TUBB8: variants seen among roughly 807,000 people sequenced by gnomAD.
The protein encoded by TUBB8 is tubulin beta 8 class VIII, also known as tubulin beta-8 chain.
Under a neutral mutation model 33.7 loss-of-function variants are expected in TUBB8, and 25 were observed. That is an observed-to-expected ratio of 0.74 (90% CI 0.54 to 1.04). TUBB8 has a LOEUF of 1.04. Among genes scored for constraint, TUBB8 ranks in the 50% least tolerant of loss-of-function variants. The pLI is 0.00. For synonymous variants in TUBB8, 245 were observed against 240.1 expected (o/e 1.02, Z -0.19); for missense variants, 279 against 608.0 (o/e 0.46, Z 5.69).
At chr10:50,591 T>TG (rs1446798723), upstream of TUBB8, among the ~76,000 whole-genome samples, 3 of 152,218 alleles carry the variant, frequency 2.0e-5, no homozygotes, top group Non-Finnish European at 2.9e-5. Context: ...AGCAGCACTC[T>TG]AACAAGCTCA....
upstream of TUBB8, chr10:49,303 G>C (rs1376935017): frequency 2.4e-5 from 36 of 1,515,938 alleles, no homozygotes; most frequent in Non-Finnish European, 3.0e-5. Flanking sequence ...CAGCGACCCA[G>C]CCCGCCCTCC....
intron 1 of TUBB8, among the ~76,000 whole-genome samples, chr10:58,137 C>T (rs1177915572): frequency 6.6e-6 from 1 of 152,240 alleles, no homozygotes; most frequent in Non-Finnish European, 1.5e-5. Context: ...ATTCAGCCAA[C>T]CACTTTGCTA....
chr10:62,186 C>A (rs1554740971), intron 1 of TUBB8, among the ~76,000 whole-genome samples: 3 of 152,152 alleles, frequency 2.0e-5, no homozygotes, highest in African/African-American at 7.2e-5. Flanking sequence ...TTCTTCCTGT[C>A]TTCCTTTTAG....
chr10:71,219 G>C (rs1260600107), intron 1 of TUBB8, among the ~76,000 whole-genome samples: 3 of 152,128 alleles, frequency 2.0e-5, no homozygotes, highest in African/African-American at 7.2e-5. Flanking sequence ...GGAGGCTGAG[G>C]CAGGAGAATC....
chr10:50,392 C>T (rs141633513), upstream of TUBB8, among the ~76,000 whole-genome samples: 3,832 of 152,274 alleles, frequency 0.025, 75 homozygotes, highest in Middle Eastern at 0.078. Context: ...CAATCCCTGG[C>T]CCATTTTCGT....
In TUBB8 at chr10:47,465, G is replaced by C; in HGVS notation, c.927C>G (p.Arg309=). The C allele has an allele frequency of 6.2e-7, 1 of 1,612,316 alleles. No individual in the cohort carries two copies. Among genetic ancestry groups the C allele is most frequent in the South Asian group, 1.1e-5 (1 of 90,998 alleles). ...MMAACDPRHG[R]YLTAAAIFRG... ...TGAAAATGGCAGCCGCCGTTAGGTA[G>C]CGGCCGTGACGGGGGTCACAGGCAG... is the stretch of plus-strand genomic sequence containing the variant. Residue 309 remains arginine, a synonymous_variant, in exon 4 of 4, where the codon CGC becomes CGG. Coordinates refer to ENST00000568584, the MANE Select transcript of TUBB8 (RefSeq NM_177987.3).
At chr10:71,383 C>T (rs138564015) in intron 1 of TUBB8, among the ~76,000 whole-genome samples, 26 of 151,692 alleles carry the variant, frequency 1.7e-4, no homozygotes, top group Non-Finnish European at 3.5e-4. Context: ...CTGTAATCCC[C>T]AGCACTTTGG....
At chr10:64,406 C>T (rs1342255918) in intron 1 of TUBB8, among the ~76,000 whole-genome samples, 9 of 151,978 alleles carry the variant, frequency 5.9e-5, no homozygotes, top group African/African-American at 1.9e-4. Context: ...AACCACTGAC[C>T]CCAACCCTAA....
At chr10:48,568 G>C in intron 3 of TUBB8, 47 bp downstream of exon 3, 1 of 1,516,804 alleles carries the variant, frequency 6.6e-7, no homozygotes, top group Non-Finnish European at 9.2e-7. Flanking sequence ...TGGATTTTGA[G>C]CTGCCCTGGC....
At chr10:52,433 A>T (rs1834480333), upstream of TUBB8, among the ~76,000 whole-genome samples, 1 of 152,256 alleles carries the variant, frequency 6.6e-6, no homozygotes, top group African/African-American at 2.4e-5. Context: ...GGTGAGTCAG[A>T]GAGCACAGTG....
chr10:72,617 G>A (rs1834752175), intron 1 of TUBB8, among the ~76,000 whole-genome samples: 1 of 151,890 alleles, frequency 6.6e-6, no homozygotes. Flanking sequence ...ACTTTGAGAG[G>A]CCAAGGCGGG....
chr10:53,294 AT>A (rs1469681195), upstream of TUBB8, among the ~76,000 whole-genome samples: 1 of 151,920 alleles, frequency 6.6e-6, no homozygotes, highest in Non-Finnish European at 1.5e-5. Context: ...CACCCAGCTA[AT>A]TTTTGTATCT....
intron 1 of TUBB8, among the ~76,000 whole-genome samples, chr10:67,522 T>C (rs1273049039): frequency 1.3e-5 from 2 of 152,124 alleles, no homozygotes; most frequent in Admixed American, 1.3e-4. Context: ...CCTCCTGGGT[T>C]CAAGCAATTC....
At chr10:59,177 G>A (rs1554740562) in intron 1 of TUBB8, among the ~76,000 whole-genome samples, 1 of 152,114 alleles carries the variant, frequency 6.6e-6, no homozygotes, top group African/African-American at 2.4e-5. Context: ...TAATGGAAAT[G>A]ATTACATGGA....
chr10:48,607 C>A lies in TUBB8; in HGVS notation c.277+8G>T. ...GGAGCCGCACCCCAGTCCTCGCCCG[C>A]AGCTCACCGAAGATGAAGTTGTCTG... is the stretch of plus-strand genomic sequence containing the variant. On this transcript the variant is annotated splice_region_variant and intron_variant, in intron 3 of 3. Transcript: ENST00000568584. The A allele has an allele frequency of 3.1e-6, 5 of 1,610,890 alleles. No homozygotes were observed. The highest frequency in any genetic ancestry group is 4.2e-6 in the Non-Finnish European group (5 of 1,178,392).
intron 1 of TUBB8, among the ~76,000 whole-genome samples, chr10:64,409 A>G (rs868927439): frequency 6.2e-4 from 93 of 149,346 alleles, no homozygotes; most frequent in African/African-American, 2.1e-3. Flanking sequence ...CACTGACCCC[A>G]ACCCTAACCC....
At chr10:53,738 T>C (rs2131818064), upstream of TUBB8, among the ~76,000 whole-genome samples, 1 of 152,366 alleles carries the variant, frequency 6.6e-6, no homozygotes, top group African/African-American at 2.4e-5. Context: ...AAATTCTTCT[T>C]TTTTCCACTT....
chr10:57,432 C>T (rs1564208667), intron 1 of TUBB8, among the ~76,000 whole-genome samples: 2 of 152,268 alleles, frequency 1.3e-5, no homozygotes, highest in African/African-American at 2.4e-5. Context: ...GGCTCCACCC[C>T]TGCAGCATGC....
chr10:48,952 T>G, intron 1 of TUBB8, 40 bp from the exon 2 acceptor site: 1 of 1,403,414 alleles, frequency 7.1e-7, no homozygotes, highest in African/African-American at 1.4e-5. Flanking sequence ...CGGGGCTGAG[T>G]CAGGGAGGCG....
Sources: allele counts gnomAD v4.1 joint callset (sites outside exome capture counted in the v4.1 genomes callset), GRCh38; gene constraint gnomAD v4.1.1; transcripts MANE v1.5; gene names NCBI Gene and HGNC (gene_info 2026-07-23, HGNC 2026-07-21).